CEP128: variants seen among roughly 807,000 people sequenced by gnomAD.
CEP128 encodes centrosomal protein 128, also known as centrosomal protein 128kDa.
A neutral mutation model predicts 156.7 loss-of-function variants in CEP128; 132 were observed. The ratio of observed to expected loss-of-function variants is 0.84; its 90% CI spans 0.73 to 0.97. CEP128 has a LOEUF of 0.97. CEP128 is among the 50% of genes least tolerant of loss of function. The pLI, the probability that CEP128 is intolerant of heterozygous loss-of-function variation, is 0.00. For missense variants in CEP128, 1,252 were observed against 1,281.9 expected (o/e 0.98, Z 0.36); for synonymous variants, 469 against 448.9 (o/e 1.04, Z -0.57).
intron 18 of CEP128, among the ~76,000 whole-genome samples, chr14:80,752,527 A>G (rs1340872279): frequency 6.6e-6 from 1 of 152,240 alleles, no homozygotes; most frequent in Admixed American, 6.5e-5. Context: ...TACTGAGTAC[A>G]GTATTTTCCA....
At chr14:80,884,564 C>G (rs1888707263) in intron 8 of CEP128, among the ~76,000 whole-genome samples, 1 of 152,158 alleles carries the variant, frequency 6.6e-6, no homozygotes, top group South Asian at 2.1e-4. Flanking sequence ...GACTGGCGAA[C>G]TCCCTCCCCT....
At position 80,733,787 on chromosome 14, in the gene CEP128, C is replaced by T. The variant is rs118047331; in HGVS notation, c.2806+9288G>A. On this transcript the variant is annotated intron_variant, in intron 19 of 24. Coordinates refer to ENST00000555265, the MANE Select transcript of CEP128 (RefSeq NM_152446.5). ...TCAGCAACTACATCTATTATGTAAACCATTCTGGACTCCAGTGTAATCAAT... is the reference window on the plus strand; with the variant it reads ...TCAGCAACTACATCTATTATGTAAATCATTCTGGACTCCAGTGTAATCAAT... Among the ~76,000 whole-genome samples the T allele has an allele frequency of 3.4e-3, 522 of 152,154 alleles. 5 individuals are homozygous for T. The highest frequency in any genetic ancestry group is 0.017 in the Middle Eastern group (5 of 294).
At chr14:80,660,407 C>T (rs1895349377) in intron 19 of CEP128, among the ~76,000 whole-genome samples, 1 of 152,074 alleles carries the variant, frequency 6.6e-6, no homozygotes, top group Admixed American at 6.6e-5. Context: ...CTTGAGAAAG[C>T]CGTGCCATTT....
At chr14:80,947,673 A>G (rs1034713485) in intron 2 of CEP128, among the ~76,000 whole-genome samples, 2 of 152,172 alleles carry the variant, frequency 1.3e-5, no homozygotes, top group African/African-American at 4.8e-5. Flanking sequence ...ACCATGAACA[A>G]AAGAAAAGAG....
intron 17 of CEP128, 147 bp from the exon 18 acceptor site, chr14:80,757,098 G>T: frequency 1.7e-6 from 1 of 577,328 alleles, no homozygotes; most frequent in Non-Finnish European, 3.1e-6. Flanking sequence ...TACTCAACCA[G>T]TTCCAAACTA....
chr14:80,747,919 TG>T, intron 18 of CEP128, among the ~76,000 whole-genome samples: 1 of 152,210 alleles, frequency 6.6e-6, no homozygotes, highest in Non-Finnish European at 1.5e-5. Flanking sequence ...CTTGAGGTGA[TG>T]AAAGTGTTCT....
chr14:80,829,090 G>A (rs1194155843), intron 13 of CEP128, among the ~76,000 whole-genome samples: 2 of 152,066 alleles, frequency 1.3e-5, no homozygotes, highest in Non-Finnish European at 1.5e-5. Context: ...ATATTCAAAT[G>A]GCCTCCAAAA....
At chr14:80,939,865 G>A (rs1042895490) in intron 1 of CEP128, among the ~76,000 whole-genome samples, 1 of 152,192 alleles carries the variant, frequency 6.6e-6, no homozygotes, top group African/African-American at 2.4e-5. Context: ...TGGTAACTAA[G>A]TCAGGTAATA....
chr14:80,563,522 A>ATTTTTT (rs1595010139), intron 20 of CEP128, among the ~76,000 whole-genome samples: 1 of 107,174 alleles, frequency 9.3e-6, no homozygotes, highest in African/African-American at 3.9e-5. Flanking sequence ...GGGCCTCCAA[A>ATTTTTT]TCTTTTTTTT....
chr14:80,861,543 T>C (rs900212636), intron 9 of CEP128, among the ~76,000 whole-genome samples: 3 of 151,970 alleles, frequency 2.0e-5, no homozygotes, highest in East Asian at 1.9e-4. Flanking sequence ...AATCTAGTCA[T>C]GAAGAAACAT....
intron 24 of CEP128, among the ~76,000 whole-genome samples, chr14:80,502,588 A>C (rs1425779328): frequency 6.6e-6 from 1 of 151,396 alleles, no homozygotes; most frequent in East Asian, 1.9e-4. Context: ...TTTACTCTTT[A>C]TGGCAATCAT....
intron 23 of CEP128, among the ~76,000 whole-genome samples, chr14:80,513,855 T>C (rs530608136): frequency 6.6e-6 from 1 of 152,322 alleles, no homozygotes; most frequent in South Asian, 2.1e-4. Flanking sequence ...AAAGCCATCC[T>C]TTGTGTGGGA....
In CEP128 at chr14:80,513,925, C is replaced by T. The variant is rs140268437; in HGVS notation, c.3073-8905G>A. On this transcript the variant is annotated intron_variant, in intron 23 of 24. Transcript: ENST00000555265. ...GCTAGATCTTTTTCTTCCAGGCCCT[C>T]CCAATCCTGAAGAGATTAACTAAAA... Among the ~76,000 whole-genome samples, 1,098 of 152,276 alleles carry T rather than the reference C, an allele frequency of 7.2e-3. 8 individuals are homozygous for T. The highest frequency in any genetic ancestry group is 0.034 in the Middle Eastern group (10 of 294).
rs1157643960 is a variant in CEP128, at chr14:80,729,056, GGGGTGTGTGTGTGTGTGTGTGTGTGTGT to G, written c.2806+13991_2806+14018del. 2.2e-3 allele frequency among the ~76,000 whole-genome samples: 198 copies of G among 88,216 alleles called. 3 individuals are homozygous for G. Among genetic ancestry groups the G allele is most frequent in the South Asian group, 9.5e-3 (24 of 2,528 alleles). 57.9% of individuals were successfully genotyped at this position (88,216 alleles called of 152,430 possible). On this transcript the variant is annotated intron_variant, in intron 19 of 24. Coordinates refer to ENST00000555265, the MANE Select transcript of CEP128 (RefSeq NM_152446.5). ...GCCCTAGTCCCAGGCTGGGCTGGTG[GGGGTGTGTGTGTGTGTGTGTGTGTGTGT>G]GTGTGTGTGTGTGTGTGTGTGTGTG...
At chr14:80,851,916 A>G (rs967054913) in intron 9 of CEP128, among the ~76,000 whole-genome samples, 2 of 152,034 alleles carry the variant, frequency 1.3e-5, no homozygotes, top group African/African-American at 4.8e-5. Context: ...AAGTAATTTA[A>G]TTATACATAA....
chr14:80,702,148 C>G (rs1441804388), intron 19 of CEP128, among the ~76,000 whole-genome samples: 1 of 152,134 alleles, frequency 6.6e-6, no homozygotes, highest in Admixed American at 6.6e-5. Flanking sequence ...TTGTCTGTCT[C>G]CTGCCAATAG....
intron 16 of CEP128, among the ~76,000 whole-genome samples, chr14:80,777,145 A>C (rs185762695): frequency 6.6e-6 from 1 of 152,238 alleles, no homozygotes; most frequent in Non-Finnish European, 1.5e-5. Flanking sequence ...TAATTGCTAC[A>C]GACTGAATGT....
intron 19 of CEP128, among the ~76,000 whole-genome samples, chr14:80,635,382 G>A (rs905220856): frequency 3.9e-5 from 6 of 152,076 alleles, no homozygotes; most frequent in Non-Finnish European, 7.4e-5. Context: ...GCATCCAAAT[G>A]CCAACTCCAC....
chr14:80,706,450 T>C (rs561389522), intron 19 of CEP128, among the ~76,000 whole-genome samples: 2 of 152,108 alleles, frequency 1.3e-5, no homozygotes, highest in Non-Finnish European at 2.9e-5. Context: ...TGTGTGTGTG[T>C]GTGTAAGTTC....
Sources: gnomAD v4.1 joint callset for allele counts (sites outside exome capture counted in the v4.1 genomes callset) on GRCh38, gnomAD v4.1.1 for gene constraint, MANE v1.5 for transcripts, NCBI Gene and HGNC (gene_info 2026-07-23, HGNC 2026-07-21) for gene names.